Variants in TOP1MT observed in about 807,000 individuals in gnomAD.
TOP1MT encodes the protein DNA topoisomerase I mitochondrial, also known as DNA topoisomerase I, mitochondrial.
A neutral mutation model predicts 73.9 loss-of-function variants in TOP1MT; 80 were observed. The ratio of observed to expected loss-of-function variants is 1.08; its 90% CI spans 0.90 to 1.30. TOP1MT has a LOEUF of 1.30. Ranked by LOEUF, TOP1MT falls within the 50% of genes most tolerant of loss-of-function variation. The probability of loss-of-function intolerance (pLI) is 0.00; values close to 1 mark genes in which losing one functional copy is unlikely to be tolerated. For synonymous variants in TOP1MT, 338 were observed against 326.4 expected (o/e 1.04, Z -0.38); for missense variants, 815 against 808.0 (o/e 1.01, Z -0.10).
At position 143,310,155 on chromosome 8, in the gene TOP1MT, A is replaced by T. The variant is rs1815969723; in HGVS notation, c.1616T>A (p.Val539Glu). The change falls in exon 13 of 14, where the codon GTG becomes GAG. Residue 539 changes from valine to glutamate, a missense_variant. Transcript: ENST00000329245. Reference protein sequence around the residue: ...KLQEQLAQLSVQATDKEENKQ... With the variant: ...KLQEQLAQLSEQATDKEENKQ... Reference sequence around the variant, plus strand: ...GTTCTCCTCCTTGTCCGTGGCCTGCACACTCAGCTGCGCCAGCTGCTCCTG... The same window carrying T: ...GTTCTCCTCCTTGTCCGTGGCCTGCTCACTCAGCTGCGCCAGCTGCTCCTG... 6.2e-7 allele frequency: 1 copy of T among 1,611,462 alleles called. No individual in the cohort carries two copies. The highest frequency in any genetic ancestry group is 8.5e-7 in the Non-Finnish European group (1 of 1,179,006).
At chr8:143,353,137 A>G (rs1178991789) in intron 1 of TOP1MT, among the ~76,000 whole-genome samples, 1 of 152,240 alleles carries the variant, frequency 6.6e-6, no homozygotes, top group African/African-American at 2.4e-5. Flanking sequence ...GTAAAGGGCC[A>G]GGCGGGGTGG....
Position 143,334,858 on chromosome 8 carries a change from G to C in TOP1MT, c.4C>G (p.Arg2Gly), listed in dbSNP as rs1043973782. The change falls in exon 1 of 14, where the codon CGC (arginine) becomes GGC (glycine). Residue 2 changes from arginine to glycine, a missense_variant. Arg to Gly is a moderately radical substitution (Grantham distance 125). Coordinates refer to ENST00000329245, the MANE Select transcript of TOP1MT (RefSeq NM_052963.3). M[R>G]VVRLLRLRAA... ...CGGAGCCGCAGCAGCCGCACCACGC[G>C]CATCTGCCAGCCTCCGGGAAAGAGC... 3.4e-6 allele frequency: 5 copies of C among 1,472,294 alleles called. No individual in the cohort carries two copies. Among genetic ancestry groups the C allele is most frequent in the Non-Finnish European group, 2.7e-6 (3 of 1,129,442 alleles). 91.2% of individuals were successfully genotyped at this position (1,472,294 alleles called of 1,614,324 possible).
chr8:143,341,509 C>T lies in TOP1MT; in HGVS notation c.29+1711G>A, dbSNP rs919370835. ...CACAAACATACCCACCCGGAGACCC[C>T]AGAGGAGGAGGGAAGGTTCACCTTC... is the stretch of plus-strand genomic sequence containing the variant. On this transcript the variant is annotated intron_variant, in intron 2 of 5. Transcript: ENST00000518007. This position sits in a 1 kb window ranked among gnomAD's most constrained non-coding sequence, Gnocchi z 4.1. Among the ~76,000 whole-genome samples the T allele has an allele frequency of 6.6e-6, 1 of 152,254 alleles. No individual in the cohort carries two copies. The highest frequency in any genetic ancestry group is 1.5e-5 in the Non-Finnish European group (1 of 68,038).
intron 8 of TOP1MT, among the ~76,000 whole-genome samples, chr8:143,320,502 A>C (rs1383717651): frequency 1.3e-5 from 2 of 152,296 alleles, no homozygotes; most frequent in East Asian, 3.9e-4. Context: ...CCTGGGCTCA[A>C]GTGATCCTCC....
In TOP1MT at chr8:143,331,285, C is replaced by G. The variant is rs754997197; in HGVS notation, c.177G>C (p.Lys59Asn). Reference protein sequence around the residue: ...DGVKWRQLEHKGPYFAPPYEP... With the variant: ...DGVKWRQLEHNGPYFAPPYEP... ...CGTATGGGGGTGCGAAGTACGGGCC[C>G]TTGTGCTCCAGCTGTCTCCACTTCA... The change falls in exon 2 of 14, where the codon AAG becomes AAC. Residue 59 changes from lysine to asparagine, a missense_variant. This residue lies in a region of TOP1MT where 751 missense variants were observed against 725.4 expected (regional missense o/e 1.04). Coordinates refer to ENST00000329245, the MANE Select transcript of TOP1MT (RefSeq NM_052963.3). 1 of 1,613,092 alleles carries G rather than the reference C, an allele frequency of 6.2e-7. No individual in the cohort carries two copies. Among genetic ancestry groups the G allele is most frequent in the Admixed American group, 1.7e-5 (1 of 59,964 alleles).
chr8:143,346,962 TTTA>T (rs1817232501), upstream of TOP1MT, among the ~76,000 whole-genome samples: 4 of 144,556 alleles, frequency 2.8e-5, no homozygotes, highest in South Asian at 9.1e-4. Flanking sequence ...TCTTTATTTA[TTTA>T]TTTATTTATT....
intron 2 of TOP1MT, among the ~76,000 whole-genome samples, chr8:143,342,787 A>ATTAT (rs1554622828): frequency 1.4e-5 from 2 of 147,128 alleles, no homozygotes; most frequent in East Asian, 2.0e-4. Context: ...TATTATTATT[A>ATTAT]TTATTATTAT....
Position 143,309,479 on chromosome 8 carries a change from A to G in TOP1MT, c.1768T>C (p.Trp590Arg). Residue 590 changes from tryptophan to arginine, a missense_variant, in exon 14 of 14, where the codon TGG (tryptophan) becomes CGG (arginine). Coordinates refer to ENST00000329245, the MANE Select transcript of TOP1MT (RefSeq NM_052963.3). ...TCTTCTCCTGCCATGGCGAGAGCCC[A>G]GGCGAACCTCTCCCGCTGTGTTTTG... is the stretch of plus-strand genomic sequence containing the variant. ...YSKTQRERFA[W>R]ALAMAGEDFE... 6.2e-7 allele frequency: 1 copy of G among 1,614,026 alleles called. No homozygotes were observed. The highest frequency in any genetic ancestry group is 1.7e-5 in the Admixed American group (1 of 60,024).
chr8:143,332,999 C>A (rs988552979), intron 1 of TOP1MT, among the ~76,000 whole-genome samples: 2 of 152,218 alleles, frequency 1.3e-5, no homozygotes, highest in Non-Finnish European at 2.9e-5. Context: ...GAGAGCCCAC[C>A]AGCCCTGATA....
At chr8:143,347,744 G>A (rs1817252910), upstream of TOP1MT, among the ~76,000 whole-genome samples, 1 of 151,830 alleles carries the variant, frequency 6.6e-6, no homozygotes, top group Non-Finnish European at 1.5e-5. Context: ...GGGAAGAGTT[G>A]AAACAATCCA....
chr8:143,325,240 C>T (rs966606711), intron 5 of TOP1MT, 106 bp downstream of exon 5: 2 of 1,072,566 alleles, frequency 1.9e-6, no homozygotes, highest in Admixed American at 2.7e-5. Context: ...GGGTCACCAA[C>T]CACATGTTTC....
intron 8 of TOP1MT, among the ~76,000 whole-genome samples, chr8:143,320,929 G>C (rs1586755558): frequency 6.6e-6 from 1 of 152,210 alleles, no homozygotes; most frequent in Non-Finnish European, 1.5e-5. Context: ...GCAGCCCTGG[G>C]AGATGCTCCG....
rs760471367 is a variant in TOP1MT at position 143,334,825 on chromosome 8, GAGCCGCCCGGAGCCGCAGC to G, written c.18_36del (p.Leu7Ter). On this transcript the variant is annotated frameshift_variant, in exon 1 of 14. Transcript: ENST00000329245. LOFTEE classifies it high-confidence loss of function. The stretch of plus-strand genomic sequence containing the variant: ...CGGGGGACCTCCCCGAGCAGCGTCA[GAGCCGCCCGGAGCCGCAGC>G]AGCCGCACCACGCGCATCTGCCAGC... 6.6e-7 allele frequency: 1 copy of G among 1,523,288 alleles called. No homozygotes were observed. The highest frequency in any genetic ancestry group is 1.7e-5 in the African/African-American group (1 of 59,654). The allele number at this position is 1,523,288 out of a possible 1,614,324, so 94.4% of individuals were successfully genotyped here.
chr8:143,323,338 CCA>C (rs1450357668), intron 7 of TOP1MT, among the ~76,000 whole-genome samples: 1 of 126,206 alleles, frequency 7.9e-6, no homozygotes, highest in African/African-American at 3.2e-5. Context: ...CACATGCACG[CCA>C]CACACATGCA....
intron 12 of TOP1MT, among the ~76,000 whole-genome samples, chr8:143,315,406 A>G (rs1201771842): frequency 1.3e-5 from 2 of 152,162 alleles, no homozygotes; most frequent in Non-Finnish European, 2.9e-5. Flanking sequence ...CCCCGTGTCC[A>G]GTGGACATGT....
chr8:143,310,984 A>T lies in TOP1MT; in HGVS notation c.1554-767T>A, dbSNP rs1307075877. 4.3e-3 allele frequency among the ~76,000 whole-genome samples: 534 copies of T among 125,286 alleles called. 3 individuals carry two copies. Among genetic ancestry groups the T allele is most frequent in the African/African-American group, 0.014 (485 of 34,312 alleles). The allele number at this position is 125,286 out of a possible 152,430, so 82.2% of individuals were successfully genotyped here. ...CTTTTTTTTTTTTTTTTTGAGACGGAGTCTTGCTTTGTCACCCAGGCTGGA... is the reference window on the plus strand; with the variant it reads ...CTTTTTTTTTTTTTTTTTGAGACGGTGTCTTGCTTTGTCACCCAGGCTGGA... On this transcript the variant is annotated intron_variant, in intron 12 of 13. Transcript: ENST00000329245.
chr8:143,320,447 TTTCAGAGACA>T (rs770704645), intron 8 of TOP1MT, among the ~76,000 whole-genome samples: 2 of 152,112 alleles, frequency 1.3e-5, no homozygotes, highest in African/African-American at 2.4e-5. Flanking sequence ...TAAATTATTA[TTTCAGAGACA>T]GGGTCTCATT....
At chr8:143,350,337 C>CTT (rs1817299906) in intron 1 of TOP1MT, 2 of 152,260 alleles carry the variant, frequency 1.3e-5, no homozygotes, top group South Asian at 4.1e-4. Flanking sequence ...CTTTTCTTTT[C>CTT]TTTTATTATT....
rs1021562814 is a variant in TOP1MT, at chr8:143,341,500, C to T, written c.29+1720G>A. 6.6e-6 allele frequency among the ~76,000 whole-genome samples: 1 copy of T among 152,254 alleles called. No homozygotes were observed. Among genetic ancestry groups the T allele is most frequent in the African/African-American group, 2.4e-5 (1 of 41,474 alleles). On this transcript the variant is annotated intron_variant, in intron 2 of 5. Transcript: ENST00000518007. The surrounding 1 kb of genome is among the most constrained non-coding windows in gnomAD (Gnocchi z 4.1). ...CCACAGGGCCACAAACATACCCACCCGGAGACCCCAGAGGAGGAGGGAAGG... is the reference window on the plus strand; with the variant it reads ...CCACAGGGCCACAAACATACCCACCTGGAGACCCCAGAGGAGGAGGGAAGG...
Sources: allele counts gnomAD v4.1 joint callset (sites outside exome capture counted in the v4.1 genomes callset), GRCh38; gene constraint gnomAD v4.1.1; regional missense constraint gnomAD v4.1.1; non-coding constraint Gnocchi (gnomAD v3.1); transcripts MANE v1.5; gene names NCBI Gene and HGNC (gene_info 2026-07-23, HGNC 2026-07-21).